The following RTN1 variants were observed in gnomAD, a reference collection of about 807,000 sequenced individuals.
RTN1 encodes the protein reticulon-1.
Under a neutral mutation model 65.5 loss-of-function variants are expected in RTN1, and 25 were observed. The observed-to-expected ratio is 0.38, with a 90% CI of 0.28 to 0.53. RTN1 has a LOEUF of 0.53. RTN1 is among the 20% of genes least tolerant of loss of function. The pLI is 0.79. For missense variants in RTN1, 983 were observed against 1,025.4 expected, an observed-to-expected ratio of 0.96 and a Z score of 0.57; for synonymous variants, 471 against 447.6, an observed-to-expected ratio of 1.05 and a Z score of -0.66.
chr14:59,863,781 C>T (rs944798394), intron 1 of RTN1, among the ~76,000 whole-genome samples: 1 of 152,184 alleles, frequency 6.6e-6, no homozygotes, highest in African/African-American at 2.4e-5. Flanking sequence ...TTCCCTAAAA[C>T]TTGCTCTTCC....
intron 1 of RTN1, among the ~76,000 whole-genome samples, chr14:59,783,291 T>C (rs1027259672): frequency 1.3e-5 from 2 of 151,918 alleles, no homozygotes; most frequent in African/African-American, 4.8e-5. Flanking sequence ...AAATTTTGGG[T>C]GGGGTGGGGC....
chr14:59,813,978 T>C (rs1486249986), intron 1 of RTN1, among the ~76,000 whole-genome samples: 1 of 152,204 alleles, frequency 6.6e-6, no homozygotes, highest in African/African-American at 2.4e-5. Flanking sequence ...AACTGCATGT[T>C]ATCAGAAACA....
At chr14:59,742,761 GT>G (rs2139503237) in intron 2 of RTN1, among the ~76,000 whole-genome samples, 1 of 151,972 alleles carries the variant, frequency 6.6e-6, no homozygotes, top group East Asian at 1.9e-4. Flanking sequence ...CTCAATTTTT[GT>G]TTTCAATCTG....
At chr14:59,804,966 G>GA (rs1886610987) in intron 1 of RTN1, among the ~76,000 whole-genome samples, 2 of 152,202 alleles carry the variant, frequency 1.3e-5, no homozygotes, top group Non-Finnish European at 2.9e-5. Context: ...CCCCAAGCAG[G>GA]TCACAGATCT....
At chr14:59,771,787 T>C (rs1885964188) in intron 1 of RTN1, among the ~76,000 whole-genome samples, 1 of 152,246 alleles carries the variant, frequency 6.6e-6, no homozygotes, top group Admixed American at 6.5e-5. Context: ...AGAAGGCTTT[T>C]ATGTCATCCC....
chr14:59,767,314 C>A (rs1885868350), intron 1 of RTN1, among the ~76,000 whole-genome samples: 1 of 152,190 alleles, frequency 6.6e-6, no homozygotes, highest in Admixed American at 6.5e-5. Flanking sequence ...TTACCCTCCC[C>A]ATGAGCTAAA....
intron 3 of RTN1, among the ~76,000 whole-genome samples, chr14:59,700,513 A>G (rs889661446): frequency 3.3e-5 from 5 of 152,218 alleles, no homozygotes; most frequent in African/African-American, 4.8e-5. Context: ...TGATACTAGC[A>G]TAAGTCTAGA....
chr14:59,837,046 A>ATATATATATATATATATATATATATATAT (rs869290068), intron 1 of RTN1, among the ~76,000 whole-genome samples: 1 of 83,448 alleles, frequency 1.2e-5, no homozygotes, highest in African/African-American at 4.7e-5. Flanking sequence ...TATATATATA[A>ATATATATATATATATATATATATATATAT]AAGGAGAAAT....
chr14:59,726,153 G>A (rs1271256805), intron 3 of RTN1, among the ~76,000 whole-genome samples: 1 of 152,166 alleles, frequency 6.6e-6, no homozygotes, highest in African/African-American at 2.4e-5. Flanking sequence ...TGCGGTGAAC[G>A]ATTTTTGGGG....
chr14:59,860,544 G>A (rs1052329575), intron 1 of RTN1, among the ~76,000 whole-genome samples: 1 of 152,226 alleles, frequency 6.6e-6, no homozygotes. Context: ...TAGTGGAGCT[G>A]TGAGAAGAGG....
At chr14:59,726,060 A>C (rs1364473090) in intron 3 of RTN1, among the ~76,000 whole-genome samples, 2 of 152,204 alleles carry the variant, frequency 1.3e-5, no homozygotes, top group Non-Finnish European at 2.9e-5. Flanking sequence ...TTCACCCATT[A>C]ACAAAAATAG....
intron 1 of RTN1, among the ~76,000 whole-genome samples, chr14:59,750,745 C>T (rs1217367350): frequency 2.1e-5 from 2 of 93,734 alleles, no homozygotes; most frequent in African/African-American, 9.5e-5. Context: ...CAGAGTCTTG[C>T]TCTGTCACCC....
rs191851769 is a variant in RTN1, at chr14:59,817,744, C to T, written c.241+52646G>A. 2.0e-5 allele frequency among the ~76,000 whole-genome samples: 3 copies of T among 152,178 alleles called. No individual in the cohort carries two copies. In the East Asian group the frequency reaches 5.8e-4, roughly 29 times the overall value. ...CCTAGTGTCCTGCCATGCATAATGT[C>T]GAAGTGCACCCATTTGTCCATAGCT... On this transcript the variant is annotated intron_variant, in intron 1 of 8. Transcript: ENST00000267484.
In RTN1 at chr14:59,803,103, GCTGT is replaced by G. The variant is rs1269978034; in HGVS notation, c.242-56626_242-56623del. Among the ~76,000 whole-genome samples the G allele has an allele frequency of 6.6e-5, 10 of 152,036 alleles. No individual in the cohort carries two copies. Among genetic ancestry groups the G allele is most frequent in the African/African-American group, 9.7e-5 (4 of 41,394 alleles). ...AAGCACACAGGCCATGCAGAAAACC[GCTGT>G]CTATCTAAATGAAATCAAAAGGACA... is the stretch of plus-strand genomic sequence containing the variant. On this transcript the variant is annotated intron_variant, in intron 1 of 8. Transcript: ENST00000267484. The surrounding 1 kb of genome is among the most constrained non-coding windows in gnomAD (Gnocchi z 5.6).
intron 3 of RTN1, among the ~76,000 whole-genome samples, chr14:59,628,970 A>T (rs1170523778): frequency 1.3e-5 from 2 of 152,240 alleles, no homozygotes; most frequent in Non-Finnish European, 2.9e-5. Flanking sequence ...ACTAAATTTG[A>T]TCTTATACCA....
At chr14:59,737,691 G>C (rs535772302) in intron 2 of RTN1, among the ~76,000 whole-genome samples, 2 of 152,290 alleles carry the variant, frequency 1.3e-5, no homozygotes, top group African/African-American at 4.8e-5. Context: ...CCAAAAGAGA[G>C]CCAGAATAGC....
chr14:59,867,209 C>A (rs1055118214), intron 1 of RTN1, among the ~76,000 whole-genome samples: 3 of 152,258 alleles, frequency 2.0e-5, no homozygotes, highest in African/African-American at 7.2e-5. Context: ...AAGGACCATT[C>A]TTTTTTCCTT....
At chr14:59,841,537 G>C (rs979019399) in intron 1 of RTN1, among the ~76,000 whole-genome samples, 1 of 150,982 alleles carries the variant, frequency 6.6e-6, no homozygotes, top group African/African-American at 2.4e-5. Flanking sequence ...CTCTACTAAA[G>C]AAAACACAAA....
chr14:59,758,458 A>G (rs7147021), intron 1 of RTN1, among the ~76,000 whole-genome samples: 8,802 of 152,246 alleles, frequency 0.058, 831 homozygotes, highest in African/African-American at 0.2. Context: ...CACCTGCTCA[A>G]GCCCACAAAC....
Sources: gnomAD v4.1 joint callset for allele counts (sites outside exome capture counted in the v4.1 genomes callset) on GRCh38, gnomAD v4.1.1 for gene constraint, Gnocchi (gnomAD v3.1) non-coding constraint, MANE v1.5 for transcripts, NCBI Gene and HGNC (gene_info 2026-07-23, HGNC 2026-07-21) for gene names.